The following HERPUD2 variants were observed in gnomAD, a reference collection of about 807,000 sequenced individuals.
The protein encoded by HERPUD2 is HERPUD family member 2.
HERPUD2 carries 13 observed loss-of-function variants against 49.9 expected under a neutral mutation model. The observed-to-expected ratio is 0.26, with a 90% CI of 0.17 to 0.41. HERPUD2 has a LOEUF of 0.41. Ranked by LOEUF, HERPUD2 falls within the 10% of genes least tolerant of loss-of-function variation. The pLI is 1.00. For missense variants in HERPUD2, 449 were observed against 492.2 expected, an observed-to-expected ratio of 0.91 and a Z score of 0.83; for synonymous variants, 172 against 171.4, an observed-to-expected ratio of 1.00 and a Z score of -0.03.
rs542333457 is a variant in HERPUD2, at chr7:35,674,509, A to T, written c.148-1231T>A. 4.8e-5 allele frequency among the ~76,000 whole-genome samples: 7 copies of T among 145,162 alleles called. No individual in the cohort carries two copies. The South Asian group carries it at 1.4e-3, about 28-fold the overall frequency. ...AATGTATAAAATGTATTTGGTTTTCATGCTGTTTCCTGCCGAACAGCTCCT... is the reference window on the plus strand; with the variant it reads ...AATGTATAAAATGTATTTGGTTTTCTTGCTGTTTCCTGCCGAACAGCTCCT... On this transcript the variant is annotated intron_variant, in intron 2 of 8. Coordinates refer to ENST00000311350, the MANE Select transcript of HERPUD2 (RefSeq NM_022373.5).
Position 35,633,659 on chromosome 7 carries a change from A to AC in HERPUD2, c.*30dup. 5 of 1,598,218 alleles carry AC rather than the reference A, an allele frequency of 3.1e-6. No homozygotes were observed. In the South Asian group the frequency reaches 3.4e-5, roughly 11 times the overall value. The stretch of plus-strand genomic sequence containing the variant: ...ATTTAAACCACTTTCCTGAAGTCAG[A>AC]CCCTCCTTGTAGCTGGCACAGTTTT... On this transcript the variant is annotated 3_prime_UTR_variant, in exon 9 of 9. Coordinates refer to ENST00000311350, the MANE Select transcript of HERPUD2 (RefSeq NM_022373.5).
At chr7:35,671,380 G>A (rs943718375) in intron 3 of HERPUD2, among the ~76,000 whole-genome samples, 1 of 151,994 alleles carries the variant, frequency 6.6e-6, no homozygotes, top group Non-Finnish European at 1.5e-5. Flanking sequence ...CTAAGGGTTA[G>A]AATGCTAAAG....
At chr7:35,661,597 G>T (rs1379768578) in intron 5 of HERPUD2, among the ~76,000 whole-genome samples, 5 of 152,180 alleles carry the variant, frequency 3.3e-5, no homozygotes, top group Non-Finnish European at 5.9e-5. Context: ...CACATCCCTT[G>T]TAATTTGGAT....
rs117660346 is a variant in HERPUD2, at chr7:35,694,426, G to A, written c.-96C>T. On this transcript the variant is annotated 5_prime_UTR_variant, in exon 2 of 9. Coordinates refer to ENST00000311350, the MANE Select transcript of HERPUD2 (RefSeq NM_022373.5). ...CGGCGCGACTGGGATGAGGACAGAAGTGAGTTCTTAGTATTCCGTGTCCAA... is the reference window on the plus strand; with the variant it reads ...CGGCGCGACTGGGATGAGGACAGAAATGAGTTCTTAGTATTCCGTGTCCAA... The A allele has an allele frequency of 1.4e-3, 1,744 of 1,273,382 alleles. 7 individuals carry two copies. The highest frequency in any genetic ancestry group is 6.7e-3 in the Middle Eastern group (28 of 4,180). The allele number at this position is 1,273,382 out of a possible 1,614,324, so 78.9% of individuals were successfully genotyped here. A position where few individuals can be genotyped will look rare whatever the true frequency, so the allele number is the denominator to read the frequency against.
rs555647618 is a variant in HERPUD2, at chr7:35,634,247, G to A, written c.1059+65C>T. 60 of 960,140 alleles carry A rather than the reference G, an allele frequency of 6.2e-5. 1 individual carries two copies. The South Asian group carries it at 7.8e-4, about 12-fold the overall frequency. 59.5% of individuals were successfully genotyped at this position (960,140 alleles called of 1,614,324 possible). On this transcript the variant is annotated intron_variant, in intron 8 of 8. Coordinates refer to ENST00000311350, the MANE Select transcript of HERPUD2 (RefSeq NM_022373.5). Reference sequence around the variant, plus strand: ...GGAACATCCAACATTCTTTCATCATGTTGGTCCCATACCGTGCTGGGAAAA... The same window carrying A: ...GGAACATCCAACATTCTTTCATCATATTGGTCCCATACCGTGCTGGGAAAA...
chr7:35,673,457 A>G (rs921997821), intron 2 of HERPUD2, among the ~76,000 whole-genome samples, 179 bp from the exon 3 acceptor site: 2 of 152,166 alleles, frequency 1.3e-5, no homozygotes, highest in African/African-American at 4.8e-5. Flanking sequence ...AACATTTAAG[A>G]GTTCAGCAAA....
rs200548311 is a variant in HERPUD2, at chr7:35,633,491, TA to T, written c.*198del. On this transcript the variant is annotated 3_prime_UTR_variant, in exon 9 of 9. Coordinates refer to ENST00000311350, the MANE Select transcript of HERPUD2 (RefSeq NM_022373.5). ...TTACGCTATGTTCTGTTAGGATCTT[TA>T]AAAAAAAAAAAAAAAAACTCAGATA... The T allele has an allele frequency of 0.058, 16,513 of 283,838 alleles. 2 individuals are homozygous for T. Among genetic ancestry groups the T allele is most frequent in the Middle Eastern group, 0.069 (66 of 962 alleles). The allele number at this position is 283,838 out of a possible 1,614,324, so 17.6% of individuals were successfully genotyped here.
At chr7:35,661,285 T>C (rs1022294566) in intron 5 of HERPUD2, among the ~76,000 whole-genome samples, 6 of 152,220 alleles carry the variant, frequency 3.9e-5, no homozygotes, top group Non-Finnish European at 8.8e-5. Flanking sequence ...ACTGTAGCCT[T>C]GTAGTATAGT....
intron 4 of HERPUD2, among the ~76,000 whole-genome samples, chr7:35,668,373 A>G (rs749969775): frequency 3.9e-5 from 6 of 152,194 alleles, no homozygotes; most frequent in Non-Finnish European, 7.4e-5. Context: ...TAAACAATAT[A>G]ACTCCCTGAA....
intron 5 of HERPUD2, among the ~76,000 whole-genome samples, chr7:35,662,933 C>T (rs1335467053): frequency 6.6e-6 from 1 of 152,028 alleles, no homozygotes; most frequent in Admixed American, 6.6e-5. Context: ...GTTTGGTCTT[C>T]CTTCTCTAGT....
In HERPUD2 at chr7:35,694,352, A is replaced by G; in HGVS notation, c.-22T>C. ...CCATGGTGCCCCCAAAGTCAGACAG[A>G]GTCCAGAGGAGCGGCAGTTAAGCCC... On this transcript the variant is annotated 5_prime_UTR_variant, in exon 2 of 9. Coordinates refer to ENST00000311350, the MANE Select transcript of HERPUD2 (RefSeq NM_022373.5). 1 of 1,613,904 alleles carries G rather than the reference A, an allele frequency of 6.2e-7. No individual in the cohort carries two copies. The highest frequency in any genetic ancestry group is 1.7e-5 in the Admixed American group (1 of 60,026).
rs558468862 is a variant in HERPUD2 at position 35,669,773 on chromosome 7, T to C, written c.339+442A>G. On this transcript the variant is annotated intron_variant, in intron 4 of 8. Transcript: ENST00000311350. ...ATCCAGTCATTTTTAAAAAACAAAA[T>C]CCTTGACCAAGTCATCTACTTCAAG... 2.0e-5 allele frequency among the ~76,000 whole-genome samples: 3 copies of C among 152,172 alleles called. No individual in the cohort carries two copies. The South Asian group carries it at 6.2e-4, about 32-fold the overall frequency.
intron 6 of HERPUD2, among the ~76,000 whole-genome samples, chr7:35,637,955 C>T (rs891957665): frequency 1.3e-5 from 2 of 152,176 alleles, no homozygotes; most frequent in African/African-American, 2.4e-5. Context: ...AGAATCAAAA[C>T]GGACTAAATA....
chr7:35,670,250 C>T lies in HERPUD2; in HGVS notation c.304G>A (p.Glu102Lys). Reference protein sequence around the residue: ...PSSPKSSTNRESHEALASSSN... With the variant: ...PSSPKSSTNRKSHEALASSSN... Reference sequence around the variant, plus strand: ...CTGGATGCCAATGCTTCATGACTTTCTCTATTGGTGCTGGATTTTGGAGAA... The same window carrying T: ...CTGGATGCCAATGCTTCATGACTTTTTCTATTGGTGCTGGATTTTGGAGAA... Residue 102 changes from glutamate (E) to lysine (K), a missense_variant, in exon 4 of 9, where the codon GAA becomes AAA. By Grantham distance (56) the Glu-to-Lys change is moderately conservative (BLOSUM62 1). Transcript: ENST00000311350. The T allele has an allele frequency of 6.3e-7, 1 of 1,585,812 alleles. No individual in the cohort carries two copies. The highest frequency in any genetic ancestry group is 1.7e-4 in the Middle Eastern group (1 of 6,000).
At chr7:35,682,943 C>T (rs2116023951) in intron 2 of HERPUD2, among the ~76,000 whole-genome samples, 1 of 151,986 alleles carries the variant, frequency 6.6e-6, no homozygotes, top group African/African-American at 2.4e-5. Context: ...AACAGAAACA[C>T]ACCCCATGCT....
chr7:35,674,291 G>A (rs1396910914), intron 2 of HERPUD2, among the ~76,000 whole-genome samples: 1 of 150,106 alleles, frequency 6.7e-6, no homozygotes, highest in African/African-American at 2.5e-5. Flanking sequence ...ATTTTGGAGT[G>A]TGCCATTCCT....
intron 2 of HERPUD2, among the ~76,000 whole-genome samples, chr7:35,686,448 A>G (rs1786046963): frequency 9.5e-6 from 1 of 105,670 alleles, no homozygotes; most frequent in Non-Finnish European, 1.9e-5. Context: ...CGGCCTCCCA[A>G]AGTGCTGGGA....
chr7:35,672,132 A>G (rs965314643), intron 3 of HERPUD2, among the ~76,000 whole-genome samples: 12 of 152,004 alleles, frequency 7.9e-5, no homozygotes, highest in African/African-American at 2.7e-4. Flanking sequence ...CACTGATTGT[A>G]ACAAATGTAC....
At chr7:35,636,937 A>G (rs1784879017) in intron 6 of HERPUD2, among the ~76,000 whole-genome samples, 1 of 152,160 alleles carries the variant, frequency 6.6e-6, no homozygotes, top group South Asian at 2.1e-4. Flanking sequence ...GTTCAAGATC[A>G]GCCTGGCCAA....
Sources: allele counts gnomAD v4.1 joint callset (sites outside exome capture counted in the v4.1 genomes callset), GRCh38; gene constraint gnomAD v4.1.1; transcripts MANE v1.5; gene names NCBI Gene and HGNC (gene_info 2026-07-23, HGNC 2026-07-21).